The following CRTC1 variants were observed in gnomAD, a reference collection of about 807,000 sequenced individuals.
CRTC1 encodes CREB-regulated transcription coactivator 1.
CRTC1 carries 18 observed loss-of-function variants against 66.1 expected under a neutral mutation model. The observed-to-expected ratio is 0.27, with a 90% CI of 0.19 to 0.40. The LOEUF (loss-of-function observed/expected upper bound fraction) is 0.40. Among genes scored for constraint, CRTC1 ranks in the 10% least tolerant of loss-of-function variants. The pLI, the probability that CRTC1 is intolerant of heterozygous loss-of-function variation, is 1.00. For synonymous variants in CRTC1, 416 were observed against 398.8 expected (o/e 1.04, Z -0.51); for missense variants, 669 against 887.9 (o/e 0.75, Z 3.13).
intron 2 of CRTC1, among the ~76,000 whole-genome samples, chr19:18,744,710 C>T (rs775676408): frequency 1.3e-4 from 20 of 152,184 alleles, no homozygotes; most frequent in Non-Finnish European, 2.4e-4. Context: ...AGCACAGTTC[C>T]CACCCTCATC....
At chr19:18,725,325 G>A (rs2053724410) in intron 1 of CRTC1, among the ~76,000 whole-genome samples, 1 of 152,050 alleles carries the variant, frequency 6.6e-6, no homozygotes. Flanking sequence ...ATCCATCTCA[G>A]TTGTCCCTCC....
At position 18,780,997 on chromosome 19, in the gene CRTC1, T is replaced by C. The variant is rs2055091394; in HGVS notation, c.*3615T>C. 1 of 225,380 alleles carries C rather than the reference T, an allele frequency of 4.4e-6. No homozygotes were observed. Among genetic ancestry groups the C allele is most frequent in the African/African-American group, 2.2e-5 (1 of 44,824 alleles). 14.0% of individuals were successfully genotyped at this position (225,380 alleles called of 1,614,324 possible). ...AGGAGCCCTCCGACCAGGGAGAGGC[T>C]GGTGGAGTAAGGTCCAGCGGTATTC... On this transcript the variant is annotated 3_prime_UTR_variant, in exon 14 of 14. Transcript: ENST00000321949.
At chr19:18,690,524 C>T (rs962390945) in intron 1 of CRTC1, among the ~76,000 whole-genome samples, 1 of 152,202 alleles carries the variant, frequency 6.6e-6, no homozygotes. Flanking sequence ...GCTAAGCTGT[C>T]TCAGTACTCC....
intron 12 of CRTC1, 24 bp from the exon 13 acceptor site, chr19:18,775,617 A>G: frequency 6.5e-7 from 1 of 1,540,976 alleles, no homozygotes; most frequent in South Asian, 1.2e-5. Context: ...TGGCCCTCAC[A>G]GCCTGGTGTG....
intron 5 of CRTC1, among the ~76,000 whole-genome samples, 157 bp downstream of exon 5, chr19:18,750,032 A>T (rs548489346): frequency 4.6e-5 from 7 of 152,282 alleles, no homozygotes; most frequent in African/African-American, 1.7e-4. Context: ...AAACTTTCAG[A>T]GGTGGTGCTA....
chr19:18,728,156 A>G (rs1160585867), intron 1 of CRTC1, among the ~76,000 whole-genome samples: 1 of 152,110 alleles, frequency 6.6e-6, no homozygotes, highest in African/African-American at 2.4e-5. Context: ...GGATGGACCA[A>G]GGGGGACTCT....
intron 1 of CRTC1, among the ~76,000 whole-genome samples, chr19:18,719,533 A>G (rs2053575741): frequency 1.3e-5 from 2 of 152,226 alleles, no homozygotes; most frequent in South Asian, 4.1e-4. Context: ...AAAATGGAGC[A>G]TAAAAGCTAT....
intron 8 of CRTC1, among the ~76,000 whole-genome samples, chr19:18,763,890 T>A (rs928914151): frequency 3.3e-5 from 5 of 152,202 alleles, no homozygotes; most frequent in Non-Finnish European, 5.9e-5. Context: ...CAGGAGAAGA[T>A]GAGGGAGTGG....
In CRTC1 at chr19:18,768,851, G is replaced by C. The variant is rs1292559128; in HGVS notation, c.1320+58G>C. 5 of 1,520,932 alleles carry C rather than the reference G, an allele frequency of 3.3e-6. No homozygotes were observed. Among genetic ancestry groups the C allele is most frequent in the African/African-American group, 1.4e-5 (1 of 71,726 alleles). 94.2% of individuals were successfully genotyped at this position (1,520,932 alleles called of 1,614,324 possible). On this transcript the variant is annotated intron_variant, in intron 10 of 13. Transcript: ENST00000321949. The surrounding 1 kb of genome is among the most constrained non-coding windows in gnomAD (Gnocchi z 5.6). ...CTGGGGGTCTTGTAGAGGACAGCCC[G>C]GGGGCTGCAGAACAGTCGGGTTACC...
At chr19:18,694,407 CTT>C (rs1234712067) in intron 1 of CRTC1, among the ~76,000 whole-genome samples, 1 of 151,920 alleles carries the variant, frequency 6.6e-6, no homozygotes, top group South Asian at 2.1e-4. Context: ...AGCTACGTCT[CTT>C]TATTTTATTA....
At position 18,777,109 on chromosome 19, in the gene CRTC1, C is replaced by A; in HGVS notation, c.1694-62C>A. 1 of 947,816 alleles carries A rather than the reference C, an allele frequency of 1.1e-6. No homozygotes were observed. 58.7% of individuals were successfully genotyped at this position (947,816 alleles called of 1,614,324 possible). A position where few individuals can be genotyped will look rare whatever the true frequency, so the allele number is the denominator to read the frequency against. ...CCCGGCGGGCATGCCTGGTCCGACA[C>A]ATGGATGCGAGCGATGGAGCCAGGG... On this transcript the variant is annotated intron_variant, in intron 13 of 13. Transcript: ENST00000321949. The surrounding 1 kb of genome is among the most constrained non-coding windows in gnomAD (Gnocchi z 5.5).
chr19:18,738,354 T>C (rs989642139), intron 1 of CRTC1, among the ~76,000 whole-genome samples: 1 of 151,810 alleles, frequency 6.6e-6, no homozygotes, highest in Non-Finnish European at 1.5e-5. Flanking sequence ...AAGTAAAAAC[T>C]ATAAAAAGAA....
chr19:18,706,352 C>G (rs936128652), intron 1 of CRTC1, among the ~76,000 whole-genome samples: 4 of 151,410 alleles, frequency 2.6e-5, no homozygotes, highest in African/African-American at 7.3e-5. Context: ...ATTACAGGTG[C>G]CCATCACCAC....
intron 1 of CRTC1, among the ~76,000 whole-genome samples, chr19:18,721,731 G>T (rs56321022): frequency 6.6e-6 from 1 of 152,222 alleles, no homozygotes; most frequent in South Asian, 2.1e-4. Flanking sequence ...CTGAGCTCAA[G>T]CAATCCACCT....
At chr19:18,719,836 C>T (rs1049143156) in intron 1 of CRTC1, among the ~76,000 whole-genome samples, 6 of 152,250 alleles carry the variant, frequency 3.9e-5, no homozygotes, top group Non-Finnish European at 5.9e-5. Context: ...AGGTTAGGTC[C>T]GGCACCTGTC....
At chr19:18,766,446 C>T (rs2054739265) in intron 9 of CRTC1, among the ~76,000 whole-genome samples, 1 of 150,884 alleles carries the variant, frequency 6.6e-6, no homozygotes, top group African/African-American at 2.4e-5. Flanking sequence ...ACCGTAATCC[C>T]TTTTTTAAAA....
At position 18,777,875 on chromosome 19, in the gene CRTC1, T is replaced by A. The variant is rs956967642; in HGVS notation, c.*493T>A. 3 of 270,872 alleles carry A rather than the reference T, an allele frequency of 1.1e-5. No homozygotes were observed. The highest frequency in any genetic ancestry group is 4.4e-5 in the African/African-American group (2 of 45,454). The allele number at this position is 270,872 out of a possible 1,614,324, so 16.8% of individuals were successfully genotyped here. ...CCCCAGCCCGTGGTCAGGTAGAGAG[T>A]GAGCCCCACGCCGCCCCAGGGAGGA... On this transcript the variant is annotated 3_prime_UTR_variant, in exon 14 of 14. Transcript: ENST00000321949. The surrounding 1 kb of genome is among the most constrained non-coding windows in gnomAD (Gnocchi z 5.5).
intron 1 of CRTC1, among the ~76,000 whole-genome samples, chr19:18,684,211 A>G (rs2052632582): frequency 6.6e-6 from 1 of 151,668 alleles, no homozygotes; most frequent in Non-Finnish European, 1.5e-5. Flanking sequence ...TACTACCTGG[A>G]AGGGACAGGT....
intron 10 of CRTC1, among the ~76,000 whole-genome samples, chr19:18,770,189 C>T (rs1351715987): frequency 6.6e-6 from 1 of 152,204 alleles, no homozygotes; most frequent in Non-Finnish European, 1.5e-5. Flanking sequence ...CATGGCTGGG[C>T]CGTGCTAGGA....
Sources: allele counts gnomAD v4.1 joint callset (sites outside exome capture counted in the v4.1 genomes callset), GRCh38; gene constraint gnomAD v4.1.1; non-coding constraint Gnocchi (gnomAD v3.1); transcripts MANE v1.5; gene names NCBI Gene and HGNC (gene_info 2026-07-23, HGNC 2026-07-21).